Variants in TTC28 observed in about 807,000 individuals in gnomAD.
TTC28 encodes the protein tetratricopeptide repeat domain 28, also known as tetratricopeptide repeat protein 28.
TTC28 carries 61 observed loss-of-function variants against 198.0 expected under a neutral mutation model. That is an observed-to-expected ratio of 0.31 (90% CI 0.25 to 0.38). The LOEUF (loss-of-function observed/expected upper bound fraction) is 0.38. Ranked by LOEUF, TTC28 falls within the 10% of genes least tolerant of loss-of-function variation. The pLI is 1.00. For synonymous variants in TTC28, 1,171 were observed against 1,297.8 expected (o/e 0.90, Z 2.10); for missense variants, 2,678 against 3,164.0 (o/e 0.85, Z 3.69).
At chr22:28,586,302 T>C (rs899628182) in intron 2 of TTC28, among the ~76,000 whole-genome samples, 11 of 149,394 alleles carry the variant, frequency 7.4e-5, no homozygotes, top group Non-Finnish European at 1.2e-4. Flanking sequence ...AGAAAGAAAG[T>C]AGTAAGAAAG....
At chr22:28,253,738 G>C (rs1002224713) in intron 5 of TTC28, among the ~76,000 whole-genome samples, 1 of 152,176 alleles carries the variant, frequency 6.6e-6, no homozygotes, top group African/African-American at 2.4e-5. Flanking sequence ...GACTGCAGAA[G>C]AGGAGTCCAG....
chr22:28,477,112 T>C (rs1420854720), intron 2 of TTC28, among the ~76,000 whole-genome samples: 1 of 152,126 alleles, frequency 6.6e-6, no homozygotes, highest in African/African-American at 2.4e-5. Flanking sequence ...ATCAGATCAG[T>C]GGGGAGGAGC....
At chr22:28,214,865 A>G (rs1927250876) in intron 5 of TTC28, among the ~76,000 whole-genome samples, 2 of 152,234 alleles carry the variant, frequency 1.3e-5, no homozygotes, top group Non-Finnish European at 2.9e-5. Flanking sequence ...CACAATAGCA[A>G]AGACTTGGAA....
chr22:28,174,770 A>G (rs1182310631), intron 5 of TTC28, among the ~76,000 whole-genome samples: 2 of 152,312 alleles, frequency 1.3e-5, no homozygotes, highest in African/African-American at 4.8e-5. Flanking sequence ...TTTGGAATCC[A>G]ACACATATCC....
chr22:28,633,311 G>T (rs2051211200), intron 1 of TTC28, among the ~76,000 whole-genome samples: 1 of 150,558 alleles, frequency 6.6e-6, no homozygotes, highest in African/African-American at 2.4e-5. Flanking sequence ...AAAAGAAAAA[G>T]AAAAAAAATT....
intron 12 of TTC28, among the ~76,000 whole-genome samples, chr22:28,038,340 A>G (rs1257101647): frequency 2.6e-5 from 4 of 152,216 alleles, no homozygotes; most frequent in African/African-American, 9.6e-5. Context: ...AATGGAACAG[A>G]ACAGAGCCCT....
intron 2 of TTC28, among the ~76,000 whole-genome samples, chr22:28,393,107 T>C (rs540082480): frequency 5.9e-4 from 90 of 152,194 alleles, no homozygotes; most frequent in African/African-American, 2.0e-3. Flanking sequence ...GGTCTCAAAC[T>C]CCTGGGCTCA....
intron 5 of TTC28, among the ~76,000 whole-genome samples, chr22:28,192,125 G>A (rs933405071): frequency 5.3e-5 from 8 of 152,190 alleles, no homozygotes; most frequent in Admixed American, 1.3e-4. Flanking sequence ...AACATTTGCT[G>A]TTCACCAATA....
chr22:28,501,234 C>T (rs1162585832), intron 2 of TTC28, among the ~76,000 whole-genome samples: 2 of 152,090 alleles, frequency 1.3e-5, no homozygotes, highest in Admixed American at 1.3e-4. Context: ...ATTTATTGAG[C>T]ACTATCCTGA....
chr22:28,288,148 T>C (rs541747964), intron 5 of TTC28, among the ~76,000 whole-genome samples: 44 of 152,246 alleles, frequency 2.9e-4, no homozygotes, highest in African/African-American at 9.9e-4. Context: ...CATCAAGCAC[T>C]TTATATGAAC....
chr22:28,602,083 C>T (rs1239684048), intron 2 of TTC28, among the ~76,000 whole-genome samples: 1 of 152,130 alleles, frequency 6.6e-6, no homozygotes, highest in Non-Finnish European at 1.5e-5. Flanking sequence ...CAGCAATGAA[C>T]TGCAGGTTAG....
chr22:27,990,916 G>T, intron 19 of TTC28, 104 bp from the exon 20 acceptor site: 1 of 1,207,798 alleles, frequency 8.3e-7, no homozygotes, highest in Non-Finnish European at 1.2e-6. Context: ...TGTTTAGGAA[G>T]CGCCACACCA....
intron 2 of TTC28, among the ~76,000 whole-genome samples, chr22:28,318,812 CTTTTTTT>C (rs71316836): frequency 9.8e-5 from 6 of 61,334 alleles, no homozygotes; most frequent in East Asian, 1.1e-3. Context: ...GAAGTGTATT[CTTTTTTT>C]TTTTTTTTTT....
At chr22:28,620,135 A>C (rs901761967) in intron 2 of TTC28, among the ~76,000 whole-genome samples, 1 of 152,178 alleles carries the variant, frequency 6.6e-6, no homozygotes, top group Non-Finnish European at 1.5e-5. Flanking sequence ...GTGGATCACG[A>C]GGTCAGGAGT....
At chr22:28,543,946 T>C (rs889959258) in intron 2 of TTC28, among the ~76,000 whole-genome samples, 13 of 152,242 alleles carry the variant, frequency 8.5e-5, no homozygotes, top group Admixed American at 5.9e-4. Context: ...TGTGGCTGGG[T>C]GTGGTGGCTC....
chr22:28,197,373 A>C (rs1200643264), intron 5 of TTC28, among the ~76,000 whole-genome samples: 2 of 152,034 alleles, frequency 1.3e-5, no homozygotes, highest in Non-Finnish European at 2.9e-5. Flanking sequence ...ACATGTATAC[A>C]TATGTAACTA....
chr22:28,554,276 C>G (rs1246035995), intron 2 of TTC28, among the ~76,000 whole-genome samples: 7 of 151,326 alleles, frequency 4.6e-5, no homozygotes. Flanking sequence ...AACCAGAGAC[C>G]TTTGTTCACT....
chr22:28,322,046 G>T (rs972945860), intron 2 of TTC28, among the ~76,000 whole-genome samples: 1 of 152,090 alleles, frequency 6.6e-6, no homozygotes, highest in Admixed American at 6.6e-5. Flanking sequence ...TGGCCAGGCT[G>T]GTCTCGAACT....
At chr22:28,225,051 C>A (rs757576745) in intron 5 of TTC28, among the ~76,000 whole-genome samples, 4 of 152,048 alleles carry the variant, frequency 2.6e-5, no homozygotes, top group Non-Finnish European at 5.9e-5. Flanking sequence ...AATAATAAAC[C>A]TTACAGACTA....
Sources: allele counts gnomAD v4.1 joint callset (sites outside exome capture counted in the v4.1 genomes callset), GRCh38; gene constraint gnomAD v4.1.1; transcripts MANE v1.5; gene names NCBI Gene and HGNC (gene_info 2026-07-23, HGNC 2026-07-21).